Variants in VSIG4 observed in about 807,000 individuals in gnomAD.
The protein encoded by VSIG4 is V-set and immunoglobulin domain containing 4.
A neutral mutation model predicts 23.4 loss-of-function variants in VSIG4; 34 were observed. The ratio of observed to expected loss-of-function variants is 1.45; its 90% CI spans 1.10 to 1.93. The LOEUF (loss-of-function observed/expected upper bound fraction) is 1.93. VSIG4 is among the 30% of genes most tolerant of loss of function. The pLI is 0.00. For missense variants in VSIG4, 433 were observed against 310.8 expected (o/e 1.39, Z -2.96); for synonymous variants, 169 against 120.3 (o/e 1.41, Z -2.65).
intron 6 of VSIG4, among the ~76,000 whole-genome samples, chrX:66,024,514 T>A (rs1224180872): frequency 8.9e-6 from 1 of 111,937 alleles, no homozygotes; most frequent in Non-Finnish European, 1.9e-5. Context: ...TGAAATACTG[T>A]CTCCTTACAA....
Position 66,032,325 on chromosome X carries a change from G to T in VSIG4, c.694+143C>A, listed in dbSNP as rs2085472776. ...TCTATCCCTGTTGTCCCCAGTCCAAGTTTTTTTTCTTTGTGATTGTACAAC... is the reference window on the plus strand; with the variant it reads ...TCTATCCCTGTTGTCCCCAGTCCAATTTTTTTTTCTTTGTGATTGTACAAC... On this transcript the variant is annotated intron_variant, in intron 3 of 7. Coordinates refer to ENST00000374737, the MANE Select transcript of VSIG4 (RefSeq NM_007268.3). 8.0e-6 allele frequency: 6 copies of T among 754,476 alleles called. No individual in the cohort carries two copies. The South Asian group carries it at 1.2e-4, about 15-fold the overall frequency. 62.2% of individuals were successfully genotyped at this position (754,476 alleles called of 1,213,427 possible).
At chrX:66,022,569 G>C (rs1176956017) in intron 7 of VSIG4, 69 bp from the exon 8 acceptor site, 1 of 1,173,100 alleles carries the variant, frequency 8.5e-7, no homozygotes, top group Non-Finnish European at 1.1e-6. Flanking sequence ...CCACCCTTCT[G>C]CCTCAATTCT....
chrX:66,036,186 T>C (rs1023779384), intron 1 of VSIG4, among the ~76,000 whole-genome samples: 5 of 110,685 alleles, frequency 4.5e-5, no homozygotes, highest in African/African-American at 1.6e-4. Flanking sequence ...TGTTCCATTA[T>C]GCTTCCGTTC....
intron 1 of VSIG4, among the ~76,000 whole-genome samples, chrX:66,035,926 G>T (rs1040905094): frequency 2.1e-4 from 23 of 111,733 alleles, no homozygotes; most frequent in Admixed American, 1.5e-3. Context: ...GAAAGGCCTG[G>T]GTTGTGTTTT....
At chrX:66,026,027 C>A (rs747123754) in intron 5 of VSIG4, among the ~76,000 whole-genome samples, 1 of 112,207 alleles carries the variant, frequency 8.9e-6, no homozygotes, top group South Asian at 3.7e-4. Flanking sequence ...TAAGTTTTTA[C>A]AGCAGCCATG....
At chrX:66,029,676 C>A (rs1443915126) in intron 3 of VSIG4, among the ~76,000 whole-genome samples, 1 of 111,514 alleles carries the variant, frequency 9.0e-6, no homozygotes, top group Non-Finnish European at 1.9e-5. Flanking sequence ...GTATCTGATT[C>A]AGTAGGTGAA....
chrX:66,034,075 G>A (rs1051210742), intron 1 of VSIG4, among the ~76,000 whole-genome samples: 3 of 111,702 alleles, frequency 2.7e-5, no homozygotes, highest in Non-Finnish European at 5.6e-5. Context: ...TTATGTTACT[G>A]TCTTGCTATG....
At chrX:66,030,809 A>G (rs1399991749) in intron 3 of VSIG4, among the ~76,000 whole-genome samples, 1 of 111,478 alleles carries the variant, frequency 9.0e-6, no homozygotes, top group African/African-American at 3.3e-5. Context: ...ATTCAAGTGG[A>G]GTCAATTCAT....
intron 1 of VSIG4, among the ~76,000 whole-genome samples, chrX:66,034,773 G>A (rs867231168): frequency 2.2e-5 from 1 of 45,951 alleles, no homozygotes; most frequent in Admixed American, 2.6e-4. Context: ...GGATGGGGGT[G>A]GGGGTGGGGA....
intron 1 of VSIG4, among the ~76,000 whole-genome samples, chrX:66,039,101 G>T (rs749507644): frequency 1.8e-5 from 2 of 112,013 alleles, no homozygotes; most frequent in South Asian, 3.7e-4. Flanking sequence ...TTTGTATCCA[G>T]CCCATAAATA....
chrX:66,036,057 T>A lies in VSIG4; in HGVS notation c.56-2227A>T, dbSNP rs576637079. Among the ~76,000 whole-genome samples, 6 of 111,635 alleles carry A rather than the reference T, an allele frequency of 5.4e-5. No individual in the cohort carries two copies. In the South Asian group the frequency reaches 2.2e-3, roughly 42 times the overall value. On this transcript the variant is annotated intron_variant, in intron 1 of 7. Coordinates refer to ENST00000374737, the MANE Select transcript of VSIG4 (RefSeq NM_007268.3). The stretch of plus-strand genomic sequence containing the variant: ...CTTCTGGAAGTAGGTCAGGCTTAAC[T>A]CCTCCATCCCAGAATGAATAGGACA...
intron 5 of VSIG4, 83 bp from the exon 6 acceptor site, chrX:66,025,212 C>A: frequency 3.1e-6 from 2 of 648,337 alleles, no homozygotes; most frequent in South Asian, 8.2e-5. Flanking sequence ...CTAGACTAAG[C>A]CAGGCCTTTT....
intron 3 of VSIG4, among the ~76,000 whole-genome samples, chrX:66,031,542 C>T (rs1183590033): frequency 1.8e-5 from 2 of 110,614 alleles, no homozygotes; most frequent in Admixed American, 9.6e-5. Flanking sequence ...TACGCCCTCT[C>T]CTTACACAGA....
intron 4 of VSIG4, 82 bp downstream of exon 4, chrX:66,027,968 C>A: frequency 1.1e-6 from 1 of 914,919 alleles, no homozygotes; most frequent in South Asian, 2.0e-5. Flanking sequence ...ATTAGCCATT[C>A]CATGGCATTG....
At chrX:66,027,948 G>A (rs1040905131) in intron 4 of VSIG4, 102 bp downstream of exon 4, 3 of 761,034 alleles carry the variant, frequency 3.9e-6, no homozygotes, top group African/African-American at 4.1e-5. Flanking sequence ...GAGGAACCAA[G>A]TGACTGTTTA....
chrX:66,028,607 G>A (rs2085424385), intron 3 of VSIG4, among the ~76,000 whole-genome samples: 1 of 96,623 alleles, frequency 1.0e-5, no homozygotes, highest in Non-Finnish European at 2.0e-5. Context: ...AATAGCCAAA[G>A]GTTTGCAGCA....
intron 1 of VSIG4, among the ~76,000 whole-genome samples, chrX:66,035,614 T>C (rs1291128958): frequency 1.8e-5 from 2 of 112,088 alleles, no homozygotes; most frequent in Non-Finnish European, 3.8e-5. Context: ...CCATAGATAG[T>C]TCACACCTCC....
Position 66,040,004 on chromosome X carries a change from C to T in VSIG4, c.-6G>A. 3.3e-6 allele frequency: 4 copies of T among 1,211,503 alleles called. No individual in the cohort carries two copies. The highest frequency in any genetic ancestry group is 4.5e-6 in the Non-Finnish European group (4 of 895,160). On this transcript the variant is annotated 5_prime_UTR_variant, in exon 1 of 8. Transcript: ENST00000374737. ...AGGCCCAGTAAGATCCCCATCACAG[C>T]CAGAGCTACTTCTGTCCTTTCTTCC...
At chrX:66,033,888 T>A (rs2085498888) in intron 1 of VSIG4, 58 bp from the exon 2 acceptor site, 1 of 974,091 alleles carries the variant, frequency 1.0e-6, no homozygotes, top group Non-Finnish European at 1.4e-6. Flanking sequence ...ACTTGGCAAC[T>A]AAGGTGACAG....
Sources: gnomAD v4.1 joint callset for allele counts (sites outside exome capture counted in the v4.1 genomes callset) on GRCh38, gnomAD v4.1.1 for gene constraint, MANE v1.5 for transcripts, NCBI Gene and HGNC (gene_info 2026-07-23, HGNC 2026-07-21) for gene names.